Variants in CSNK1G1 observed in about 807,000 individuals in gnomAD.
CSNK1G1 encodes casein kinase 1 gamma 1, also known as casein kinase I isoform gamma-1.
CSNK1G1 carries 22 observed loss-of-function variants against 59.6 expected under a neutral mutation model. The ratio of observed to expected loss-of-function variants is 0.37; its 90% CI spans 0.26 to 0.53. CSNK1G1 has a LOEUF of 0.53. CSNK1G1 is among the 20% of genes least tolerant of loss of function. The pLI, the probability that CSNK1G1 is intolerant of heterozygous loss-of-function variation, is 0.89. For synonymous variants in CSNK1G1, 179 were observed against 177.1 expected, an observed-to-expected ratio of 1.01 and a Z score of -0.08; for missense variants, 384 against 519.5, an observed-to-expected ratio of 0.74 and a Z score of 2.54.
intron 8 of CSNK1G1, 102 bp downstream of exon 8, chr15:64,204,763 A>C (rs1287156960): frequency 8.1e-6 from 9 of 1,111,786 alleles, no homozygotes; most frequent in Non-Finnish European, 1.2e-5. Flanking sequence ...ACAAAAGGAA[A>C]TGTTAATTAC....
chr15:64,231,706 T>C (rs2082552555), intron 4 of CSNK1G1, among the ~76,000 whole-genome samples: 1 of 152,010 alleles, frequency 6.6e-6, no homozygotes, highest in African/African-American at 2.4e-5. Context: ...TACATGCCAC[T>C]CTCTCTATAA....
At chr15:64,281,929 T>C (rs1046157361) in intron 2 of CSNK1G1, among the ~76,000 whole-genome samples, 1 of 151,918 alleles carries the variant, frequency 6.6e-6, no homozygotes, top group African/African-American at 2.4e-5. Context: ...ATGGAGTTTT[T>C]TTTTTTTTTT....
Position 64,180,332 on chromosome 15 carries a change from T to C in CSNK1G1, c.1214+16A>G, listed in dbSNP as rs2081795436. 6.3e-7 allele frequency: 1 copy of C among 1,599,684 alleles called. No individual in the cohort carries two copies. The highest frequency in any genetic ancestry group is 1.3e-5 in the African/African-American group (1 of 74,600). On this transcript the variant is annotated intron_variant, in intron 11 of 11. Transcript: ENST00000303052. ...TCAACCCATGACTTAAGAGCCCCCT[T>C]GAAAGATGTACGTACTTAGCTTCCT...
At chr15:64,304,507 T>A (rs1350460277) in intron 1 of CSNK1G1, among the ~76,000 whole-genome samples, 1 of 152,122 alleles carries the variant, frequency 6.6e-6, no homozygotes, top group Non-Finnish European at 1.5e-5. Context: ...TGTTTCTTTA[T>A]CACTCTCAAT....
chr15:64,229,185 T>C (rs530008575), intron 4 of CSNK1G1, among the ~76,000 whole-genome samples: 1 of 152,332 alleles, frequency 6.6e-6, no homozygotes, highest in Non-Finnish European at 1.5e-5. Flanking sequence ...CTGATGGGCA[T>C]TCATGCTGTT....
intron 4 of CSNK1G1, among the ~76,000 whole-genome samples, chr15:64,224,117 A>C (rs550253447): frequency 1.3e-5 from 2 of 152,342 alleles, no homozygotes; most frequent in Non-Finnish European, 2.9e-5. Context: ...AAATTACCTA[A>C]CTATGAAGGA....
At chr15:64,196,699 G>A (rs796450848) in intron 10 of CSNK1G1, among the ~76,000 whole-genome samples, 36 of 151,926 alleles carry the variant, frequency 2.4e-4, no homozygotes, top group Admixed American at 5.2e-4. Flanking sequence ...TGATCCGCCC[G>A]CCTCGGCCTC....
At chr15:64,267,805 T>C (rs1427920730) in intron 2 of CSNK1G1, among the ~76,000 whole-genome samples, 2 of 152,092 alleles carry the variant, frequency 1.3e-5, no homozygotes, top group Admixed American at 6.5e-5. Context: ...ACTGGGTATA[T>C]ATTCAAAGGA....
At chr15:64,251,386 C>G in intron 4 of CSNK1G1, 126 bp downstream of exon 4, 1 of 632,496 alleles carries the variant, frequency 1.6e-6, no homozygotes, top group Non-Finnish European at 2.8e-6. Context: ...GTTTATTTAC[C>G]TATCCGGCAA....
At chr15:64,201,470 G>T (rs2082106803) in intron 10 of CSNK1G1, among the ~76,000 whole-genome samples, 1 of 152,110 alleles carries the variant, frequency 6.6e-6, no homozygotes, top group African/African-American at 2.4e-5. Context: ...CCAGAAGTCA[G>T]TCAAATTATA....
chr15:64,199,707 T>G (rs560326215), intron 10 of CSNK1G1, among the ~76,000 whole-genome samples: 37 of 151,852 alleles, frequency 2.4e-4, no homozygotes, highest in Admixed American at 5.2e-4. Context: ...CAAAACATTA[T>G]GCAGGTGTGG....
chr15:64,282,457 G>A (rs929625433), intron 2 of CSNK1G1, among the ~76,000 whole-genome samples: 1 of 151,900 alleles, frequency 6.6e-6, no homozygotes, highest in African/African-American at 2.4e-5. Flanking sequence ...GTAGAGACAG[G>A]GTTTCACCAT....
intron 1 of CSNK1G1, among the ~76,000 whole-genome samples, chr15:64,348,951 G>A (rs889364620): frequency 1.3e-5 from 2 of 151,956 alleles, no homozygotes; most frequent in African/African-American, 4.8e-5. Flanking sequence ...GGCCAACGTG[G>A]TGAAACCCCA....
rs147343748 is a variant in CSNK1G1 at position 64,205,188 on chromosome 15, C to T, written c.766-239G>A. On this transcript the variant is annotated intron_variant, in intron 7 of 11. Transcript: ENST00000303052. ...AATATTTAGTTGTCTCAGATAAACA[C>T]CATCAAATATAATGGATGAGTGGCT... is the stretch of plus-strand genomic sequence containing the variant. Among the ~76,000 whole-genome samples, 81 of 152,156 alleles carry T rather than the reference C, an allele frequency of 5.3e-4. 1 individual carries two copies. The highest frequency in any genetic ancestry group is 1.9e-3 in the African/African-American group (78 of 41,514).
At chr15:64,339,311 G>A (rs991584597) in intron 1 of CSNK1G1, among the ~76,000 whole-genome samples, 2 of 152,032 alleles carry the variant, frequency 1.3e-5, no homozygotes, top group African/African-American at 4.8e-5. Context: ...GTTTTTTGTT[G>A]TTATTGTTGT....
intron 2 of CSNK1G1, among the ~76,000 whole-genome samples, chr15:64,290,194 T>C (rs1176014771): frequency 6.6e-6 from 1 of 152,120 alleles, no homozygotes; most frequent in Non-Finnish European, 1.5e-5. Flanking sequence ...TCCTGCAATC[T>C]CACTAATGGG....
At chr15:64,264,681 A>G (rs918736788) in intron 2 of CSNK1G1, among the ~76,000 whole-genome samples, 14 of 152,352 alleles carry the variant, frequency 9.2e-5, no homozygotes, top group African/African-American at 3.4e-4. Flanking sequence ...CCATGATCAC[A>G]TGGGATGTAT....
chr15:64,306,659 T>G (rs1472198164), intron 1 of CSNK1G1, among the ~76,000 whole-genome samples: 1 of 152,116 alleles, frequency 6.6e-6, no homozygotes, highest in Non-Finnish European at 1.5e-5. Flanking sequence ...AAAACTTAAG[T>G]CCACACAAAA....
intron 4 of CSNK1G1, among the ~76,000 whole-genome samples, chr15:64,229,087 G>C (rs1163382281): frequency 6.8e-6 from 1 of 146,808 alleles, no homozygotes; most frequent in African/African-American, 2.5e-5. Flanking sequence ...TCAACATATA[G>C]ACCTACCTTA....
Sources: gnomAD v4.1 joint callset for allele counts (sites outside exome capture counted in the v4.1 genomes callset) on GRCh38, gnomAD v4.1.1 for gene constraint, MANE v1.5 for transcripts, NCBI Gene and HGNC (gene_info 2026-07-23, HGNC 2026-07-21) for gene names.